Variants in CIITA observed in about 807,000 individuals in gnomAD.
CIITA encodes class II major histocompatibility complex transactivator.
A neutral mutation model predicts 115.1 loss-of-function variants in CIITA; 72 were observed. The observed-to-expected ratio is 0.63, with a 90% CI of 0.52 to 0.76. CIITA has a LOEUF of 0.76. CIITA is among the 30% of genes least tolerant of loss of function. The pLI is 0.00. For synonymous variants in CIITA, 763 were observed against 635.6 expected, an observed-to-expected ratio of 1.20 and a Z score of -3.02; for missense variants, 1,617 against 1,463.8, an observed-to-expected ratio of 1.10 and a Z score of -1.71.
intron 10 of CIITA, among the ~76,000 whole-genome samples, chr16:10,905,317 T>G (rs1331584095): frequency 6.6e-6 from 1 of 152,190 alleles, no homozygotes; most frequent in Non-Finnish European, 1.5e-5. Context: ...TATAGCATGC[T>G]CAGAATTGCT....
chr16:10,898,218 C>T lies in CIITA; in HGVS notation c.296-452C>T, dbSNP rs182079538. On this transcript the variant is annotated intron_variant, in intron 3 of 19. Coordinates refer to ENST00000324288, the MANE Select transcript of CIITA (RefSeq NM_000246.4). ...CTATTTACTGAGTGCCTACTGTATA[C>T]CAGCTACTGTGTTGGATGCTCTAGA... is the stretch of plus-strand genomic sequence containing the variant. Among the ~76,000 whole-genome samples the T allele has an allele frequency of 9.2e-5, 14 of 152,250 alleles. 1 individual carries two copies. The highest frequency in any genetic ancestry group is 5.9e-4 in the Admixed American group (9 of 15,298).
At chr16:10,899,109 CT>C in intron 5 of CIITA, 107 bp downstream of exon 5, 1 of 1,086,116 alleles carries the variant, frequency 9.2e-7, no homozygotes, top group Non-Finnish European at 1.4e-6. Flanking sequence ...TAAGTCCTGT[CT>C]GGTTGGGAGG....
At position 10,918,527 on chromosome 16, in the gene CIITA, G is replaced by GT; in HGVS notation, c.3149+2dup. On this transcript the variant is annotated splice_donor_variant, in intron 16 of 19. Transcript: ENST00000324288. LOFTEE classifies it high-confidence loss of function. ...TCGCTGCATCCCTGCTCAGGCTAAG[G>GT]TGAGTGGGGCCCCGGATACCGGTCA... The GT allele has an allele frequency of 6.2e-7, 1 of 1,614,024 alleles. No individual in the cohort carries two copies. The highest frequency in any genetic ancestry group is 8.5e-7 in the Non-Finnish European group (1 of 1,179,994).
intron 13 of CIITA, among the ~76,000 whole-genome samples, chr16:10,911,764 T>C (rs2039599609): frequency 6.6e-6 from 1 of 151,922 alleles, no homozygotes; most frequent in Non-Finnish European, 1.5e-5. Context: ...TTGCCCAGTC[T>C]GGTCTCGAGC....
chr16:10,897,268 G>A (rs1462539215), intron 3 of CIITA, among the ~76,000 whole-genome samples: 2 of 152,208 alleles, frequency 1.3e-5, no homozygotes, highest in Non-Finnish European at 2.9e-5. Context: ...GAGTCCCAAG[G>A]CAGTGTGGGG....
chr16:10,904,894 C>G, intron 10 of CIITA, 82 bp downstream of exon 10: 1 of 1,363,158 alleles, frequency 7.3e-7, no homozygotes, highest in East Asian at 2.3e-5. Context: ...TCACTTGACA[C>G]TTATTCAACC....
chr16:10,911,416 C>A (rs2039570141), intron 13 of CIITA, among the ~76,000 whole-genome samples: 1 of 136,834 alleles, frequency 7.3e-6, no homozygotes, highest in African/African-American at 2.7e-5. Flanking sequence ...CCCTCCCTAT[C>A]TCTCTCTTTC....
intron 14 of CIITA, 103 bp from the exon 15 acceptor site, chr16:10,916,264 T>G (rs1596592261): frequency 9.9e-7 from 1 of 1,008,760 alleles, no homozygotes; most frequent in East Asian, 2.6e-5. Context: ...AGCTGGGGGG[T>G]GGGAAGGGCA....
chr16:10,899,290 A>G (rs989139655), intron 5 of CIITA, among the ~76,000 whole-genome samples: 1 of 152,102 alleles, frequency 6.6e-6, no homozygotes, highest in African/African-American at 2.4e-5. Flanking sequence ...CTCCACTCCT[A>G]TAACCCATGT....
intron 5 of CIITA, among the ~76,000 whole-genome samples, chr16:10,900,427 T>A (rs1033895229): frequency 1.3e-5 from 2 of 152,142 alleles, no homozygotes; most frequent in South Asian, 4.1e-4. Flanking sequence ...TGATAAATAT[T>A]TCCCCCCAAG....
chr16:10,922,341 G>A, intron 17 of CIITA, 66 bp from the exon 18 acceptor site: 1 of 1,608,626 alleles, frequency 6.2e-7, no homozygotes. Context: ...CTGGATGTGG[G>A]GGTGGCCTTG....
At position 10,887,100 on chromosome 16, in the gene CIITA, C is replaced by T. The variant is rs192290715; in HGVS notation, c.53-8182C>T. On this transcript the variant is annotated intron_variant, in intron 1 of 19. Transcript: ENST00000324288. ...GGACTACAGGGTGCATGAGCAAAAG[C>T]GGAACTCATTTGAGCTACTACCCCC... Among the ~76,000 whole-genome samples the T allele has an allele frequency of 2.0e-4, 30 of 152,212 alleles. No individual in the cohort carries two copies. The East Asian group carries it at 2.5e-3, about 13-fold the overall frequency.
At position 10,904,751 on chromosome 16, in the gene CIITA, G is replaced by A. The variant is rs1412540935; in HGVS notation, c.945G>A (p.Lys315=). 1 of 1,613,990 alleles carries A rather than the reference G, an allele frequency of 6.2e-7. No individual in the cohort carries two copies. Among genetic ancestry groups the A allele is most frequent in the Non-Finnish European group, 8.5e-7 (1 of 1,180,008 alleles). The change falls in exon 10 of 20, where the codon AAG becomes AAA. Residue 315 remains lysine (K), a synonymous_variant. Transcript: ENST00000324288. ...LTSRANMTEH[K]TSPTQCPAAG... Reference sequence around the variant, plus strand: ...CTGCTTCTCCATCTCCAGAGCACAAGACGTCCCCCACCCAATGCCCGGCAG... The same window carrying A: ...CTGCTTCTCCATCTCCAGAGCACAAAACGTCCCCCACCCAATGCCCGGCAG...
intron 14 of CIITA, 104 bp from the exon 15 acceptor site, chr16:10,916,263 G>T: frequency 5.0e-6 from 5 of 1,006,228 alleles, no homozygotes; most frequent in South Asian, 2.7e-5. Context: ...GAGCTGGGGG[G>T]TGGGAAGGGC....
At chr16:10,905,490 G>T (rs905879198) in intron 10 of CIITA, among the ~76,000 whole-genome samples, 10 of 152,224 alleles carry the variant, frequency 6.6e-5, no homozygotes, top group African/African-American at 2.4e-4. Context: ...GCCATGCATG[G>T]TGCCTTATGC....
At chr16:10,896,522 G>C (rs1391055397) in intron 3 of CIITA, among the ~76,000 whole-genome samples, 1 of 152,082 alleles carries the variant, frequency 6.6e-6, no homozygotes, top group Non-Finnish European at 1.5e-5. Flanking sequence ...TTTGTTTTTT[G>C]GGGGAGAGAC....
intron 18 of CIITA, 29 bp downstream of exon 18, chr16:10,922,519 G>A: frequency 6.2e-7 from 1 of 1,610,258 alleles, no homozygotes; most frequent in Non-Finnish European, 8.5e-7. Flanking sequence ...GGTGGGTGGA[G>A]AACAACTCAC....
Position 10,907,484 on chromosome 16 carries a change from C to G in CIITA, c.1992C>G (p.Ala664=), listed in dbSNP as rs557027362. The change falls in exon 11 of 20, where the codon GCC becomes GCG. Residue 664 remains alanine (A), a synonymous_variant. Coordinates refer to ENST00000324288, the MANE Select transcript of CIITA (RefSeq NM_000246.4). The surrounding 1 kb of genome is among the most constrained non-coding windows in gnomAD (Gnocchi z 5.0). The stretch of plus-strand genomic sequence containing the variant: ...CCCTGGCAGAGCTGGCCAAGCTGGC[C>G]TGGGAGCTGGGCCGCAGACATCAAA... The part of the protein sequence containing the change: ...PGALAELAKL[A]WELGRRHQST... The G allele has an allele frequency of 6.2e-7, 1 of 1,613,756 alleles. No homozygotes were observed. Among genetic ancestry groups the G allele is most frequent in the Non-Finnish European group, 8.5e-7 (1 of 1,179,978 alleles).
rs75521576 is a variant in CIITA, at chr16:10,922,428, G to A, written c.3255G>A (p.Thr1085=). Residue 1085 remains threonine (T), a synonymous_variant, in exon 18 of 20, where the codon ACG becomes ACA. Coordinates refer to ENST00000324288, the MANE Select transcript of CIITA (RefSeq NM_000246.4). ...CCAGCGTCCAGTACAACAAGTTCAC[G>A]GCTGCCGGGGCCCAGCAGCTCGCTG... ...RVMDVQYNKF[T]AAGAQQLAAS... is the part of the protein sequence containing the mutation. 1.7e-3 allele frequency: 2,677 copies of A among 1,614,214 alleles called. 47 individuals carry two copies. In the African/African-American group the frequency reaches 0.031, roughly 19 times the overall value.
Sources: gnomAD v4.1 joint callset for allele counts (sites outside exome capture counted in the v4.1 genomes callset) on GRCh38, gnomAD v4.1.1 for gene constraint, Gnocchi (gnomAD v3.1) non-coding constraint, MANE v1.5 for transcripts, NCBI Gene and HGNC (gene_info 2026-07-23, HGNC 2026-07-21) for gene names.